XYLT1: variants seen among roughly 807,000 people sequenced by gnomAD.
XYLT1 encodes xylosyltransferase 1.
Under a neutral mutation model 91.3 loss-of-function variants are expected in XYLT1, and 36 were observed. That is an observed-to-expected ratio of 0.39 (90% CI 0.30 to 0.52). The LOEUF (loss-of-function observed/expected upper bound fraction) is 0.52, where lower values mean the gene tolerates loss of function less well. Among genes scored for constraint, XYLT1 ranks in the 20% least tolerant of loss-of-function variants. XYLT1 has a pLI of 0.68. For synonymous variants in XYLT1, 588 were observed against 532.0 expected, an observed-to-expected ratio of 1.11 and a Z score of -1.45; for missense variants, 1,242 against 1,284.5, an observed-to-expected ratio of 0.97 and a Z score of 0.51.
Position 17,107,979 on chromosome 16 carries a change from G to A in XYLT1, c.*716C>T, listed in dbSNP as rs1295139368. ...GCTTTCCCACTTACCTAGTTACTAA[G>A]GAGAATAGTTCAACCCAAGGAGGGC... is the stretch of plus-strand genomic sequence containing the variant. On this transcript the variant is annotated 3_prime_UTR_variant, in exon 12 of 12. Coordinates refer to ENST00000261381, the MANE Select transcript of XYLT1 (RefSeq NM_022166.4). The A allele has an allele frequency of 6.5e-6, 1 of 152,704 alleles. No individual in the cohort carries two copies. The highest frequency in any genetic ancestry group is 1.5e-5 in the Non-Finnish European group (1 of 68,122). 9.5% of individuals were successfully genotyped at this position (152,704 alleles called of 1,614,324 possible). A position where few individuals can be genotyped will look rare whatever the true frequency, so the allele number is the denominator to read the frequency against.
intron 3 of XYLT1, among the ~76,000 whole-genome samples, chr16:17,242,327 CCTT>C (rs1384042475): frequency 3.9e-5 from 6 of 152,210 alleles, no homozygotes; most frequent in African/African-American, 1.2e-4. Flanking sequence ...AGGACAGAGA[CCTT>C]CTACTCTGCA....
chr16:17,382,251 G>A (rs1434552462), intron 1 of XYLT1, among the ~76,000 whole-genome samples: 1 of 151,786 alleles, frequency 6.6e-6, no homozygotes, highest in Non-Finnish European at 1.5e-5. Flanking sequence ...CATCATCACA[G>A]GTACACGGAG....
intron 1 of XYLT1, among the ~76,000 whole-genome samples, chr16:17,378,338 C>A (rs541801004): frequency 6.6e-6 from 1 of 152,102 alleles, no homozygotes; most frequent in African/African-American, 2.4e-5. Flanking sequence ...AATATAATCA[C>A]CTTTTAAATA....
chr16:17,275,675 T>C lies in XYLT1; in HGVS notation c.403-16177A>G, dbSNP rs191100950. Among the ~76,000 whole-genome samples, 418 of 152,284 alleles carry C rather than the reference T, an allele frequency of 2.7e-3. 4 individuals are homozygous for C. The highest frequency in any genetic ancestry group is 4.6e-3 in the Non-Finnish European group (311 of 68,022). On this transcript the variant is annotated intron_variant, in intron 2 of 11. Coordinates refer to ENST00000261381, the MANE Select transcript of XYLT1 (RefSeq NM_022166.4). The stretch of plus-strand genomic sequence containing the variant: ...CCCTGGTTTTATTTCCCTATACACC[T>C]TCTCTGTCTCTCTTGATTCAACTCC...
intron 1 of XYLT1, among the ~76,000 whole-genome samples, chr16:17,423,946 C>T (rs1685890170): frequency 6.6e-6 from 1 of 152,168 alleles, no homozygotes; most frequent in Non-Finnish European, 1.5e-5. Flanking sequence ...AGGAGCAATT[C>T]TCATAGTATA....
intron 2 of XYLT1, among the ~76,000 whole-genome samples, chr16:17,274,000 C>T (rs973384629): frequency 1.3e-5 from 2 of 151,816 alleles, no homozygotes; most frequent in Admixed American, 6.6e-5. Context: ...CAACCTCTGC[C>T]TCCCGGGTTC....
chr16:17,102,661 G>C lies in XYLT1; in HGVS notation c.*6034C>G, dbSNP rs920386869. ...GAACTTTGATTACTGGTCAATTTCA[G>C]ATAGTTCAATATCTCTTAAAATACT... is the stretch of plus-strand genomic sequence containing the variant. On this transcript the variant is annotated 3_prime_UTR_variant, in exon 12 of 12. Transcript: ENST00000261381. The C allele has an allele frequency of 3.3e-5, 5 of 152,380 alleles. No homozygotes were observed. Among genetic ancestry groups the C allele is most frequent in the African/African-American group, 1.2e-4 (5 of 41,454 alleles). The allele number at this position is 152,380 out of a possible 1,614,324, so 9.4% of individuals were successfully genotyped here.
chr16:17,264,435 T>C (rs1466370634), intron 2 of XYLT1, among the ~76,000 whole-genome samples: 1 of 152,252 alleles, frequency 6.6e-6, no homozygotes, highest in Non-Finnish European at 1.5e-5. Flanking sequence ...TAACATCCAT[T>C]GTGTGTATAT....
At chr16:17,345,861 A>T (rs2035137528) in intron 2 of XYLT1, among the ~76,000 whole-genome samples, 1 of 152,168 alleles carries the variant, frequency 6.6e-6, no homozygotes, top group South Asian at 2.1e-4. Flanking sequence ...CCCATGGTGG[A>T]GTACAGTGGC....
At chr16:17,430,627 C>T (rs1478670446) in intron 1 of XYLT1, among the ~76,000 whole-genome samples, 4 of 152,228 alleles carry the variant, frequency 2.6e-5, no homozygotes, top group Non-Finnish European at 4.4e-5. Context: ...CCTGTATTTT[C>T]CCAACCTAAC....
intron 2 of XYLT1, among the ~76,000 whole-genome samples, chr16:17,350,482 A>G (rs528947944): frequency 6.6e-6 from 1 of 152,344 alleles, no homozygotes; most frequent in African/African-American, 2.4e-5. Flanking sequence ...CTGCCCAGGC[A>G]GTGGTCTGGC....
At chr16:17,374,124 TAGAGG>T (rs2035568236) in intron 1 of XYLT1, among the ~76,000 whole-genome samples, 2 of 152,106 alleles carry the variant, frequency 1.3e-5, no homozygotes, top group African/African-American at 4.8e-5. Flanking sequence ...TTGTCCAAGG[TAGAGG>T]AGAGGACAAG....
chr16:17,166,370 A>T (rs2031681669), intron 5 of XYLT1, among the ~76,000 whole-genome samples: 1 of 152,142 alleles, frequency 6.6e-6, no homozygotes, highest in African/African-American at 2.4e-5. Context: ...TTCCTCCAGG[A>T]CCTGACACAT....
At chr16:17,233,774 T>G (rs528459288) in intron 3 of XYLT1, among the ~76,000 whole-genome samples, 1 of 152,194 alleles carries the variant, frequency 6.6e-6, no homozygotes, top group African/African-American at 2.4e-5. Flanking sequence ...TGGAGCTAAG[T>G]GAGTGGCAGC....
intron 2 of XYLT1, among the ~76,000 whole-genome samples, chr16:17,286,638 C>G (rs570540534): frequency 6.6e-6 from 1 of 152,260 alleles, no homozygotes; most frequent in South Asian, 2.1e-4. Flanking sequence ...CACAACAATC[C>G]CCATGGATAG....
intron 2 of XYLT1, among the ~76,000 whole-genome samples, chr16:17,300,943 T>G (rs1167861963): frequency 1.3e-5 from 2 of 152,136 alleles, no homozygotes; most frequent in Admixed American, 1.3e-4. Flanking sequence ...CCTTTCTCAT[T>G]AGCTGTGCAA....
Position 17,464,819 on chromosome 16 carries a change from A to C in XYLT1, c.363+5615T>G, listed in dbSNP as rs141048885. On this transcript the variant is annotated intron_variant, in intron 1 of 11. Transcript: ENST00000261381. ...TCTTTTCTAGGGTTGGTAACTTTTTAGGAATCTGCAACAAGAAGTGAGAAA... is the reference window on the plus strand; with the variant it reads ...TCTTTTCTAGGGTTGGTAACTTTTTCGGAATCTGCAACAAGAAGTGAGAAA... Among the ~76,000 whole-genome samples the C allele has an allele frequency of 3.7e-3, 556 of 152,250 alleles. 10 individuals are homozygous for C. The East Asian group carries it at 0.041, about 11-fold the overall frequency.
At chr16:17,180,735 G>GGTCTTATA (rs2032049484) in intron 5 of XYLT1, among the ~76,000 whole-genome samples, 1 of 152,140 alleles carries the variant, frequency 6.6e-6, no homozygotes, top group African/African-American at 2.4e-5. Flanking sequence ...TATAGGCAGT[G>GGTCTTATA]GGCCAAGACT....
intron 8 of XYLT1, among the ~76,000 whole-genome samples, chr16:17,135,011 A>C (rs561106142): frequency 6.6e-6 from 1 of 152,308 alleles, no homozygotes; most frequent in South Asian, 2.1e-4. Flanking sequence ...AAATAAACTA[A>C]ATAATTTTAG....
Sources: allele counts gnomAD v4.1 joint callset (sites outside exome capture counted in the v4.1 genomes callset), GRCh38; gene constraint gnomAD v4.1.1; transcripts MANE v1.5; gene names NCBI Gene and HGNC (gene_info 2026-07-23, HGNC 2026-07-21).